The following PEX5L variants were observed in gnomAD, a reference collection of about 807,000 sequenced individuals.
The protein encoded by PEX5L is peroxisomal biogenesis factor 5 like, also known as PEX5-related protein.
In PEX5L, 30 loss-of-function variants were observed where a neutral mutation model predicts 84.0. That is an observed-to-expected ratio of 0.36 (90% confidence interval 0.27 to 0.48). PEX5L has a LOEUF of 0.48. Ranked by LOEUF, PEX5L falls within the 20% of genes least tolerant of loss-of-function variation. PEX5L has a pLI of 0.99. For synonymous variants in PEX5L, 270 were observed against 283.1 expected, an observed-to-expected ratio of 0.95 and a Z score of 0.46; for missense variants, 533 against 754.6, an observed-to-expected ratio of 0.71 and a Z score of 3.44.
chr3:179,806,170 A>G (rs1177601389), intron 14 of PEX5L, among the ~76,000 whole-genome samples: 1 of 152,116 alleles, frequency 6.6e-6, no homozygotes, highest in Non-Finnish European at 1.5e-5. Context: ...CATATACACA[A>G]CATATCTAGA....
intron 8 of PEX5L, among the ~76,000 whole-genome samples, chr3:179,822,112 T>C (rs894656183): frequency 2.6e-5 from 4 of 152,234 alleles, no homozygotes; most frequent in African/African-American, 9.6e-5. Flanking sequence ...CTGTCTGCAG[T>C]AGAAGGAAAG....
intron 2 of PEX5L, among the ~76,000 whole-genome samples, chr3:179,966,234 G>C (rs576619342): frequency 5.9e-5 from 9 of 152,244 alleles, no homozygotes; most frequent in South Asian, 2.1e-4. Flanking sequence ...TTCAGAATCT[G>C]CAGGCTGAGC....
chr3:179,927,583 T>G (rs141610313), intron 2 of PEX5L, among the ~76,000 whole-genome samples: 1 of 152,382 alleles, frequency 6.6e-6, no homozygotes, highest in East Asian at 1.9e-4. Context: ...AAAGTAATTT[T>G]ATGTTTGTTA....
chr3:179,936,152 G>A (rs1045680832), intron 2 of PEX5L, among the ~76,000 whole-genome samples: 12 of 152,146 alleles, frequency 7.9e-5, no homozygotes, highest in Admixed American at 7.2e-4. Context: ...CTGTCGGTGT[G>A]GGTAAGAAGG....
At chr3:179,902,845 CAG>C (rs1403598946) in intron 2 of PEX5L, among the ~76,000 whole-genome samples, 1 of 152,142 alleles carries the variant, frequency 6.6e-6, no homozygotes, top group Admixed American at 6.5e-5. Flanking sequence ...AGATATTAAA[CAG>C]AAGAAATTGA....
At chr3:179,964,088 T>C (rs1459504677) in intron 2 of PEX5L, among the ~76,000 whole-genome samples, 2 of 152,156 alleles carry the variant, frequency 1.3e-5, no homozygotes, top group Non-Finnish European at 2.9e-5. Context: ...TTCCTGTGAA[T>C]AAACTTAATA....
At chr3:179,971,540 A>G in intron 2 of PEX5L, 54 bp downstream of exon 2, 1 of 1,545,750 alleles carries the variant, frequency 6.5e-7, no homozygotes. Context: ...AAAAGGCTTT[A>G]GTCATCAAAA....
chr3:179,866,464 C>G (rs766815666), intron 7 of PEX5L, among the ~76,000 whole-genome samples: 12 of 152,160 alleles, frequency 7.9e-5, no homozygotes, highest in African/African-American at 2.9e-4. Flanking sequence ...GTAAAGCATA[C>G]GGTCACATGT....
intron 1 of PEX5L, among the ~76,000 whole-genome samples, chr3:180,026,967 G>A (rs1429200216): frequency 6.6e-6 from 1 of 152,070 alleles, no homozygotes; most frequent in Non-Finnish European, 1.5e-5. Context: ...TTGGAGCCCC[G>A]GTATGAACGT....
At chr3:179,991,019 G>GA (rs1787332204) in intron 1 of PEX5L, among the ~76,000 whole-genome samples, 1 of 152,056 alleles carries the variant, frequency 6.6e-6, no homozygotes, top group Admixed American at 6.6e-5. Context: ...CATTATCCCT[G>GA]AAAAAATCTG....
intron 8 of PEX5L, among the ~76,000 whole-genome samples, chr3:179,826,006 G>A (rs1169128809): frequency 2.0e-5 from 3 of 152,254 alleles, no homozygotes; most frequent in Non-Finnish European, 2.9e-5. Flanking sequence ...TTCTAGTGAC[G>A]GAGTCAGCCA....
intron 2 of PEX5L, among the ~76,000 whole-genome samples, chr3:179,930,035 G>A (rs1772594304): frequency 6.6e-6 from 1 of 152,026 alleles, no homozygotes; most frequent in Admixed American, 6.6e-5. Flanking sequence ...TCAAAGTGTG[G>A]TTCCTGGACC....
Position 179,817,781 on chromosome 3 carries a change from G to A in PEX5L, c.940-1777C>T, listed in dbSNP as rs187268198. Among the ~76,000 whole-genome samples, 16 of 152,306 alleles carry A rather than the reference G, an allele frequency of 1.1e-4. No individual in the cohort carries two copies. In the East Asian group the frequency reaches 3.1e-3, roughly 29 times the overall value. On this transcript the variant is annotated intron_variant, in intron 9 of 14. Transcript: ENST00000467460. ...TTCAGTCTCCATAGGTGCTTAGAAG[G>A]ACAAAATGCCCCATCAAAAGCCACA... is the stretch of plus-strand genomic sequence containing the variant.
intron 8 of PEX5L, among the ~76,000 whole-genome samples, chr3:179,836,166 T>C (rs947676848): frequency 1.3e-5 from 2 of 152,210 alleles, no homozygotes; most frequent in Non-Finnish European, 2.9e-5. Flanking sequence ...GGGCCAGTTA[T>C]TTCCTTCTGT....
intron 1 of PEX5L, among the ~76,000 whole-genome samples, chr3:179,994,381 C>G (rs1787662875): frequency 6.6e-6 from 1 of 152,240 alleles, no homozygotes; most frequent in South Asian, 2.1e-4. Context: ...TGGGAATCCA[C>G]TCACTCAAAT....
At chr3:180,007,346 G>A (rs531737347) in intron 1 of PEX5L, among the ~76,000 whole-genome samples, 36 of 152,340 alleles carry the variant, frequency 2.4e-4, no homozygotes, top group African/African-American at 2.4e-5. Flanking sequence ...CTCCACCCCT[G>A]TGGCTTTGCA....
intron 8 of PEX5L, among the ~76,000 whole-genome samples, chr3:179,852,591 G>C (rs1471622110): frequency 6.6e-6 from 1 of 152,208 alleles, no homozygotes; most frequent in Non-Finnish European, 1.5e-5. Flanking sequence ...CAGAGTTCTA[G>C]AATTTAAAGG....
intron 7 of PEX5L, among the ~76,000 whole-genome samples, chr3:179,871,041 G>A (rs1230805681): frequency 6.7e-6 from 1 of 149,794 alleles, no homozygotes; most frequent in Non-Finnish European, 1.5e-5. Context: ...TATAATTTAT[G>A]TTGGCTTGAG....
chr3:179,833,811 A>T (rs1019120180), intron 8 of PEX5L, among the ~76,000 whole-genome samples: 19 of 152,020 alleles, frequency 1.2e-4, no homozygotes, highest in Middle Eastern at 3.4e-3. Context: ...TCTCTCTCTC[A>T]CACACACACA....
Sources: gnomAD v4.1 joint callset for allele counts (sites outside exome capture counted in the v4.1 genomes callset) on GRCh38, gnomAD v4.1.1 for gene constraint, MANE v1.5 for transcripts, NCBI Gene and HGNC (gene_info 2026-07-23, HGNC 2026-07-21) for gene names.